Variants in FFAR4 observed in about 807,000 individuals in gnomAD.
FFAR4 encodes G-protein coupled receptor 120.
Under a neutral mutation model 27.0 loss-of-function variants are expected in FFAR4, and 19 were observed. The ratio of observed to expected loss-of-function variants is 0.70; its 90% CI spans 0.49 to 1.03. The LOEUF is 1.03. Ranked by LOEUF, FFAR4 falls within the 50% of genes least tolerant of loss-of-function variation. The probability of loss-of-function intolerance (pLI) is 0.00; values close to 1 mark genes in which losing one functional copy is unlikely to be tolerated. For synonymous variants in FFAR4, 254 were observed against 215.6 expected (o/e 1.18, Z -1.56); for missense variants, 476 against 479.0 (o/e 0.99, Z 0.06).
At position 93,566,984 on chromosome 10, in the gene FFAR4, C is replaced by T; in HGVS notation, c.264C>T (p.Phe88=). The change falls in exon 1 of 3, where the codon TTC becomes TTT. Residue 88 remains phenylalanine (F), a synonymous_variant. Transcript: ENST00000371481. The stretch of plus-strand genomic sequence containing the variant: ...ACCTCTTCTGCGCGGACCTGCTCTT[C>T]ATCAGCGCTATCCCTCTGGTGCTGG... ...VLNLFCADLL[F]ISAIPLVLAV... is the part of the protein sequence containing the mutation. 6.2e-7 allele frequency: 1 copy of T among 1,612,046 alleles called. No homozygotes were observed. Among genetic ancestry groups the T allele is most frequent in the Non-Finnish European group, 8.5e-7 (1 of 1,179,876 alleles).
intron 2 of FFAR4, among the ~76,000 whole-genome samples, chr10:93,581,739 G>A (rs576926139): frequency 1.4e-3 from 216 of 152,244 alleles, no homozygotes; most frequent in Non-Finnish European, 6.9e-4. Context: ...GCAGATTTCT[G>A]GGCCTCACCC....
rs1199050139 is a variant in FFAR4 at position 93,588,649 on chromosome 10, A to C, written c.*1040A>C. ...GAACTTACCTTCGAGTCAGGGGCAGAAAAACTAAATAAAAGTCAATAAACT... is the reference window on the plus strand; with the variant it reads ...GAACTTACCTTCGAGTCAGGGGCAGCAAAACTAAATAAAAGTCAATAAACT... On this transcript the variant is annotated 3_prime_UTR_variant, in exon 3 of 3. Transcript: ENST00000371481. The C allele has an allele frequency of 2.6e-5, 4 of 152,236 alleles. No homozygotes were observed. The highest frequency in any genetic ancestry group is 9.6e-5 in the African/African-American group (4 of 41,454). 9.4% of individuals were successfully genotyped at this position (152,236 alleles called of 1,614,324 possible). A position where few individuals can be genotyped will look rare whatever the true frequency, so the allele number is the denominator to read the frequency against.
At chr10:93,576,734 C>G (rs1388986617) in intron 2 of FFAR4, among the ~76,000 whole-genome samples, 1 of 152,204 alleles carries the variant, frequency 6.6e-6, no homozygotes, top group Non-Finnish European at 1.5e-5. Flanking sequence ...CTTTCCACAT[C>G]ATTCCTATAT....
At chr10:93,584,611 C>T (rs2058216932) in intron 2 of FFAR4, among the ~76,000 whole-genome samples, 2 of 152,216 alleles carry the variant, frequency 1.3e-5, no homozygotes, top group Admixed American at 1.3e-4. Flanking sequence ...TTGCCCTGGT[C>T]TCCACCATCA....
chr10:93,580,360 T>C (rs1387495792), intron 2 of FFAR4, among the ~76,000 whole-genome samples: 1 of 152,256 alleles, frequency 6.6e-6, no homozygotes, highest in African/African-American at 2.4e-5. Flanking sequence ...CACTAGTTCC[T>C]GTAACCCAGG....
chr10:93,576,903 A>T (rs2058167488), intron 2 of FFAR4, among the ~76,000 whole-genome samples: 1 of 152,216 alleles, frequency 6.6e-6, no homozygotes, highest in African/African-American at 2.4e-5. Flanking sequence ...TATAAAAAGC[A>T]CACTGAGCAT....
At position 93,567,399 on chromosome 10, in the gene FFAR4, C is replaced by G. The variant is rs952607367; in HGVS notation, c.567+112C>G. On this transcript the variant is annotated intron_variant, in intron 1 of 2. Transcript: ENST00000371481. ...AGAACAACAATAGCCATTTATTGCA[C>G]TTAATCGTTGTGCCAAATCTTGTGC... 3.2e-6 allele frequency: 3 copies of G among 928,806 alleles called. No homozygotes were observed. The Admixed American group carries it at 7.9e-5, about 24-fold the overall frequency. 57.5% of individuals were successfully genotyped at this position (928,806 alleles called of 1,614,324 possible). A position where few individuals can be genotyped will look rare whatever the true frequency, so the allele number is the denominator to read the frequency against.
intron 2 of FFAR4, 123 bp downstream of exon 2, chr10:93,576,342 GC>G: frequency 1.1e-6 from 1 of 951,518 alleles, no homozygotes; most frequent in Non-Finnish European, 1.6e-6. Context: ...TTGATTCACT[GC>G]CCAGGTCTAC....
chr10:93,582,073 T>G (rs1212334316), intron 2 of FFAR4, among the ~76,000 whole-genome samples: 1 of 152,210 alleles, frequency 6.6e-6, no homozygotes, highest in Non-Finnish European at 1.5e-5. Flanking sequence ...CATCAAGCAT[T>G]CTGCCCAGTG....
intron 2 of FFAR4, among the ~76,000 whole-genome samples, chr10:93,580,352 C>A (rs988710481): frequency 6.6e-6 from 1 of 152,250 alleles, no homozygotes; most frequent in Non-Finnish European, 1.5e-5. Context: ...TCACCTGTCA[C>A]TAGTTCCTGT....
intron 1 of FFAR4, among the ~76,000 whole-genome samples, chr10:93,572,620 T>G (rs889367753): frequency 7.9e-5 from 12 of 152,118 alleles, no homozygotes; most frequent in Non-Finnish European, 1.5e-5. Context: ...AGAGATCCCT[T>G]CTGAGTGGGG....
chr10:93,567,052 G>C lies in FFAR4; in HGVS notation c.332G>C (p.Cys111Ser), dbSNP rs1253334514. ...GCCTGGCTGCTGGGCCCCGTTGCCT[G>C]CCACCTGCTCTTCTACGTGATGACC... is the stretch of plus-strand genomic sequence containing the variant. ...TEAWLLGPVA[C>S]HLLFYVMTLS... Residue 111 changes from cysteine to serine, a missense_variant, in exon 1 of 3, where the codon TGC becomes TCC. Physicochemically the swap from Cys to Ser is moderately radical, Grantham distance 112. Transcript: ENST00000371481. 6.2e-7 allele frequency: 1 copy of C among 1,611,290 alleles called. No homozygotes were observed. The highest frequency in any genetic ancestry group is 8.5e-7 in the Non-Finnish European group (1 of 1,179,796).
At chr10:93,581,990 T>C (rs1186143207) in intron 2 of FFAR4, among the ~76,000 whole-genome samples, 1 of 152,146 alleles carries the variant, frequency 6.6e-6, no homozygotes, top group East Asian at 1.9e-4. Flanking sequence ...ACAGAACCTA[T>C]CCCAGAGGCT....
chr10:93,587,330 C>T lies in FFAR4; in HGVS notation c.807C>T (p.Leu269=), dbSNP rs2058234465. 1 of 1,614,062 alleles carries T rather than the reference C, an allele frequency of 6.2e-7. No homozygotes were observed. The highest frequency in any genetic ancestry group is 1.3e-5 in the African/African-American group (1 of 74,922). The part of the protein sequence containing the change: ...DFRLFRTLFL[L]MVSFFIMWSP... ...GGCTCTTCCGCACCCTCTTCCTCCTCATGGTCTCCTTCTTCATCATGTGGA... is the reference window on the plus strand; with the variant it reads ...GGCTCTTCCGCACCCTCTTCCTCCTTATGGTCTCCTTCTTCATCATGTGGA... Residue 269 remains leucine (L), a synonymous_variant, in exon 3 of 3, where the codon CTC becomes CTT. Coordinates refer to ENST00000371481, the MANE Select transcript of FFAR4 (RefSeq NM_001195755.2).
chr10:93,585,162 T>C (rs68131763), intron 2 of FFAR4, among the ~76,000 whole-genome samples: 25,149 of 151,994 alleles, frequency 0.17, 2,224 homozygotes, highest in South Asian at 0.34. Flanking sequence ...GAAAGAAGAG[T>C]CCAGAATCCC....
Position 93,567,050 on chromosome 10 carries a change from C to T in FFAR4, c.330C>T (p.Ala110=), listed in dbSNP as rs2058101703. Residue 110 remains alanine, a synonymous_variant, in exon 1 of 3, where the codon GCC becomes GCT. Coordinates refer to ENST00000371481, the MANE Select transcript of FFAR4 (RefSeq NM_001195755.2). The stretch of plus-strand genomic sequence containing the variant: ...AGGCCTGGCTGCTGGGCCCCGTTGC[C>T]TGCCACCTGCTCTTCTACGTGATGA... ...WTEAWLLGPV[A]CHLLFYVMTL... 1 of 1,611,522 alleles carries T rather than the reference C, an allele frequency of 6.2e-7. No individual in the cohort carries two copies.
At chr10:93,584,289 C>A (rs2058215272) in intron 2 of FFAR4, among the ~76,000 whole-genome samples, 1 of 152,174 alleles carries the variant, frequency 6.6e-6, no homozygotes, top group Non-Finnish European at 1.5e-5. Context: ...GAGGGGAGAG[C>A]TGAATAGTGT....
At chr10:93,575,869 G>A (rs2058160745) in intron 1 of FFAR4, among the ~76,000 whole-genome samples, 1 of 152,118 alleles carries the variant, frequency 6.6e-6, no homozygotes, top group South Asian at 2.1e-4. Context: ...GCTGTCCCTG[G>A]AGAACAGAAA....
chr10:93,580,863 A>C (rs2058193292), intron 2 of FFAR4, among the ~76,000 whole-genome samples: 1 of 152,172 alleles, frequency 6.6e-6, no homozygotes, highest in Non-Finnish European at 1.5e-5. Flanking sequence ...TTGTGACTCA[A>C]ACATGCCATA....
Sources: gnomAD v4.1 joint callset for allele counts (sites outside exome capture counted in the v4.1 genomes callset) on GRCh38, gnomAD v4.1.1 for gene constraint, MANE v1.5 for transcripts, NCBI Gene and HGNC (gene_info 2026-07-23, HGNC 2026-07-21) for gene names.